DAB1: variants seen among roughly 807,000 people sequenced by gnomAD.
DAB1 encodes disabled homolog 1.
DAB1 carries 15 observed loss-of-function variants against 64.6 expected under a neutral mutation model. The ratio of observed to expected loss-of-function variants is 0.23; its 90% CI spans 0.16 to 0.36. The LOEUF (loss-of-function observed/expected upper bound fraction) is 0.36. DAB1 is among the 10% of genes least tolerant of loss of function. The pLI, the probability that DAB1 is intolerant of heterozygous loss-of-function variation, is 1.00. For missense variants in DAB1, 596 were observed against 706.7 expected, an observed-to-expected ratio of 0.84 and a Z score of 1.78; for synonymous variants, 235 against 251.9, an observed-to-expected ratio of 0.93 and a Z score of 0.64.
intron 6 of DAB1, among the ~76,000 whole-genome samples, chr1:57,763,001 G>A (rs1438918696): frequency 1.3e-5 from 2 of 152,208 alleles, no homozygotes; most frequent in Non-Finnish European, 2.9e-5. Flanking sequence ...TCATATGGTA[G>A]CAGAAGGGAT....
At chr1:57,457,930 C>T (rs919374408) in intron 7 of DAB1, among the ~76,000 whole-genome samples, 10 of 152,018 alleles carry the variant, frequency 6.6e-5, no homozygotes, top group Admixed American at 1.3e-4. Context: ...GAGAGAAAAA[C>T]AAAGAGCAAA....
chr1:57,486,363 C>G (rs1644091754), intron 7 of DAB1, among the ~76,000 whole-genome samples: 1 of 152,182 alleles, frequency 6.6e-6, no homozygotes, highest in Non-Finnish European at 1.5e-5. Context: ...AGGACCCTAA[C>G]TTTAATTTCT....
At position 57,486,970 on chromosome 1, in the gene DAB1, G is replaced by A. The variant is rs112595162; in HGVS notation, n.625+162622C>T. On this transcript the variant is annotated intron_variant and non_coding_transcript_variant, in intron 7 of 20. Coordinates refer to the DAB1 transcript ENST00000485760. Reference sequence around the variant, plus strand: ...AAAAATTAAAAATTAAAAAAAAAAAGAAAAAAAAACAACGACCTCGGCATA... The same window carrying A: ...AAAAATTAAAAATTAAAAAAAAAAAAAAAAAAAAACAACGACCTCGGCATA... 8.3e-3 allele frequency among the ~76,000 whole-genome samples: 1,214 copies of A among 147,024 alleles called. 49 individuals are homozygous for A. The East Asian group carries it at 0.15, about 18-fold the overall frequency.
intron 8 of DAB1, among the ~76,000 whole-genome samples, chr1:57,064,979 G>A (rs1214815036): frequency 6.6e-6 from 1 of 152,102 alleles, no homozygotes; most frequent in African/African-American, 2.4e-5. Flanking sequence ...AACCTTTACT[G>A]AGAAAAATGA....
intron 2 of DAB1, among the ~76,000 whole-genome samples, chr1:58,514,955 G>T (rs992091657): frequency 1.3e-5 from 2 of 152,062 alleles, no homozygotes; most frequent in Admixed American, 1.3e-4. Flanking sequence ...TTGTTATGAA[G>T]ATCAAAAGAA....
intron 6 of DAB1, among the ~76,000 whole-genome samples, chr1:57,733,319 T>C (rs987712588): frequency 1.3e-5 from 2 of 151,830 alleles, no homozygotes; most frequent in Non-Finnish European, 2.9e-5. Context: ...GGCTTATTAT[T>C]TATTGTCTGT....
chr1:57,481,695 T>C (rs1644022718), intron 7 of DAB1, among the ~76,000 whole-genome samples: 1 of 151,946 alleles, frequency 6.6e-6, no homozygotes, highest in Non-Finnish European at 1.5e-5. Context: ...CAGGTGCCTG[T>C]AATCCCAGCT....
At chr1:57,036,365 C>G (rs1428060351) in intron 9 of DAB1, among the ~76,000 whole-genome samples, 1 of 152,112 alleles carries the variant, frequency 6.6e-6, no homozygotes, top group African/African-American at 2.4e-5. Context: ...TACCTTGTGT[C>G]TACCTTACTG....
chr1:58,158,040 T>G (rs1228298234), intron 4 of DAB1, among the ~76,000 whole-genome samples: 1 of 152,162 alleles, frequency 6.6e-6, no homozygotes, highest in Non-Finnish European at 1.5e-5. Context: ...AGGGGTTAAA[T>G]GAAAAGCTAT....
chr1:58,234,689 T>A (rs1250996679), intron 4 of DAB1, among the ~76,000 whole-genome samples: 2 of 152,052 alleles, frequency 1.3e-5, no homozygotes, highest in African/African-American at 4.8e-5. Context: ...GGCTCAGAAG[T>A]GAACGAGAGC....
At chr1:57,467,609 C>G (rs903328729) in intron 7 of DAB1, among the ~76,000 whole-genome samples, 4 of 152,102 alleles carry the variant, frequency 2.6e-5, no homozygotes, top group Non-Finnish European at 2.9e-5. Context: ...ACAGATATCT[C>G]AACTTTATTA....
At chr1:57,651,159 A>C (rs995695824) in intron 6 of DAB1, among the ~76,000 whole-genome samples, 4 of 152,058 alleles carry the variant, frequency 2.6e-5, no homozygotes, top group Non-Finnish European at 4.4e-5. Context: ...AGTAAAACAA[A>C]AAAAAAAAGA....
intron 14 of DAB1, among the ~76,000 whole-genome samples, chr1:57,009,748 G>T (rs1356656303): frequency 2.0e-5 from 3 of 152,238 alleles, no homozygotes; most frequent in Non-Finnish European, 2.9e-5. Flanking sequence ...TAGAAATCAT[G>T]TCTGGGTAAC....
intron 3 of DAB1, among the ~76,000 whole-genome samples, chr1:58,438,371 G>C (rs1201332855): frequency 2.6e-5 from 4 of 152,206 alleles, no homozygotes; most frequent in Non-Finnish European, 5.9e-5. Flanking sequence ...TGGGGAAATG[G>C]CATTTAGCTG....
intron 6 of DAB1, among the ~76,000 whole-genome samples, chr1:57,739,904 T>C (rs943877240): frequency 6.6e-6 from 1 of 151,934 alleles, no homozygotes; most frequent in Non-Finnish European, 1.5e-5. Context: ...ATTAAAATAA[T>C]ATATCTTCAG....
intron 6 of DAB1, among the ~76,000 whole-genome samples, chr1:57,726,720 G>T (rs917598748): frequency 6.6e-6 from 1 of 152,138 alleles, no homozygotes; most frequent in East Asian, 1.9e-4. Context: ...TTGATGGGGA[G>T]AATTAAGCCG....
intron 7 of DAB1, among the ~76,000 whole-genome samples, chr1:57,544,690 G>A (rs563852668): frequency 6.6e-6 from 1 of 152,240 alleles, no homozygotes; most frequent in African/African-American, 2.4e-5. Context: ...CCCAGTGGGG[G>A]GTAATAGAAT....
At chr1:57,681,514 G>A (rs1646636380) in intron 6 of DAB1, among the ~76,000 whole-genome samples, 1 of 152,090 alleles carries the variant, frequency 6.6e-6, no homozygotes, top group Non-Finnish European at 1.5e-5. Context: ...AGTGAATGGA[G>A]TAACCATGGG....
At chr1:57,044,099 GA>G (rs1487791402) in intron 9 of DAB1, among the ~76,000 whole-genome samples, 1 of 152,152 alleles carries the variant, frequency 6.6e-6, no homozygotes, top group Non-Finnish European at 1.5e-5. Flanking sequence ...TCCTAATTCA[GA>G]CTTGGGCCAG....
Sources: allele counts gnomAD v4.1 joint callset (sites outside exome capture counted in the v4.1 genomes callset), GRCh38; gene constraint gnomAD v4.1.1; transcripts MANE v1.5; gene names NCBI Gene and HGNC (gene_info 2026-07-23, HGNC 2026-07-21).